The following TRAF3 variants were observed in gnomAD, a reference collection of about 807,000 sequenced individuals.
TRAF3 encodes the protein TNF receptor associated factor 3.
Under a neutral mutation model 62.3 loss-of-function variants are expected in TRAF3, and 13 were observed. That is an observed-to-expected ratio of 0.21 (90% CI 0.14 to 0.33). The LOEUF (loss-of-function observed/expected upper bound fraction) is 0.33. Among genes scored for constraint, TRAF3 ranks in the 10% least tolerant of loss-of-function variants. The pLI is 1.00. For synonymous variants in TRAF3, 269 were observed against 283.4 expected (o/e 0.95, Z 0.51); for missense variants, 440 against 741.8 (o/e 0.59, Z 4.73).
intron 6 of TRAF3, among the ~76,000 whole-genome samples, 171 bp from the exon 7 acceptor site, chr14:102,886,018 A>G (rs1889360935): frequency 6.6e-6 from 1 of 152,160 alleles, no homozygotes; most frequent in Non-Finnish European, 1.5e-5. Context: ...GCATCCTGAG[A>G]CACTCACACT....
chr14:102,854,791 G>A (rs1041088825), intron 2 of TRAF3, among the ~76,000 whole-genome samples: 19 of 144,972 alleles, frequency 1.3e-4, no homozygotes, highest in Non-Finnish European at 2.5e-4. Context: ...GTCAGCTGCC[G>A]CACCTGGCTG....
intron 1 of TRAF3, among the ~76,000 whole-genome samples, chr14:102,789,320 C>G (rs866094308): frequency 6.6e-6 from 1 of 152,158 alleles, no homozygotes; most frequent in African/African-American, 2.4e-5. Context: ...CTGCTATAAA[C>G]ATTTGTGTAC....
chr14:102,897,485 G>A, intron 10 of TRAF3, 84 bp downstream of exon 10: 6 of 1,549,974 alleles, frequency 3.9e-6, no homozygotes, highest in Non-Finnish European at 5.3e-6. Context: ...CAAACTCTTT[G>A]AGCTGAGTCC....
intron 2 of TRAF3, among the ~76,000 whole-genome samples, chr14:102,840,068 C>T (rs1211086498): frequency 6.6e-6 from 1 of 152,078 alleles, no homozygotes; most frequent in African/African-American, 2.4e-5. Flanking sequence ...TTTACGCCCC[C>T]CAACCCAGGA....
At chr14:102,880,093 G>A (rs1048399723) in intron 6 of TRAF3, among the ~76,000 whole-genome samples, 1 of 152,180 alleles carries the variant, frequency 6.6e-6, no homozygotes, top group Non-Finnish European at 1.5e-5. Context: ...CTCAGCCTGG[G>A]TGACAGAGTG....
At position 102,823,276 on chromosome 14, in the gene TRAF3, A is replaced by C. The variant is rs183968453; in HGVS notation, c.-156-7058A>C. Among the ~76,000 whole-genome samples the C allele has an allele frequency of 1.0e-3, 157 of 152,182 alleles. 1 individual carries two copies. The highest frequency in any genetic ancestry group is 3.7e-3 in the African/African-American group (155 of 41,528). On this transcript the variant is annotated intron_variant, in intron 1 of 11. Transcript: ENST00000392745. Reference sequence around the variant, plus strand: ...ATGTTGAGTTAATGTGTTTTCTTTGACCTCAAACCTTCTGAAATGTTTCTG... The same window carrying C: ...ATGTTGAGTTAATGTGTTTTCTTTGCCCTCAAACCTTCTGAAATGTTTCTG...
intron 6 of TRAF3, among the ~76,000 whole-genome samples, chr14:102,885,210 G>A (rs955838964): frequency 2.0e-5 from 3 of 152,324 alleles, no homozygotes; most frequent in South Asian, 2.1e-4. Flanking sequence ...AGCTTCCCTC[G>A]GGTGGGCCGC....
chr14:102,835,101 CAGTT>C (rs1159081688), intron 2 of TRAF3, among the ~76,000 whole-genome samples: 1 of 151,946 alleles, frequency 6.6e-6, no homozygotes, highest in African/African-American at 2.4e-5. Flanking sequence ...AGGGCATGCA[CAGTT>C]AGTTTTCCAA....
At chr14:102,816,323 G>A (rs1017028613) in intron 1 of TRAF3, among the ~76,000 whole-genome samples, 5 of 151,960 alleles carry the variant, frequency 3.3e-5, no homozygotes, top group Non-Finnish European at 7.4e-5. Flanking sequence ...GGCTGGTCTC[G>A]AACTCCTGAG....
intron 2 of TRAF3, among the ~76,000 whole-genome samples, chr14:102,836,420 C>CT: frequency 6.6e-6 from 1 of 152,284 alleles, no homozygotes; most frequent in East Asian, 1.9e-4. Context: ...TTTGGAGAAA[C>CT]TAAGAAATTT....
intron 9 of TRAF3, among the ~76,000 whole-genome samples, chr14:102,892,043 T>C (rs889022516): frequency 6.7e-6 from 1 of 149,962 alleles, no homozygotes; most frequent in Non-Finnish European, 1.5e-5. Flanking sequence ...TCTCCCATGC[T>C]GTTCTTTTTT....
chr14:102,794,264 G>A (rs895802706), intron 1 of TRAF3, among the ~76,000 whole-genome samples: 27 of 151,966 alleles, frequency 1.8e-4, no homozygotes, highest in Admixed American at 3.3e-4. Context: ...AGCCTCAAAC[G>A]CCTGGGCAGA....
At chr14:102,795,649 A>T (rs925419183) in intron 1 of TRAF3, among the ~76,000 whole-genome samples, 8 of 148,402 alleles carry the variant, frequency 5.4e-5, no homozygotes. Context: ...TTTCTGACTC[A>T]TAAGTCCCAT....
At chr14:102,800,704 T>A (rs1415965711) in intron 1 of TRAF3, among the ~76,000 whole-genome samples, 3 of 149,534 alleles carry the variant, frequency 2.0e-5, no homozygotes, top group African/African-American at 7.4e-5. Context: ...CCTTTTTTTT[T>A]TTTTTTTTTT....
intron 1 of TRAF3, among the ~76,000 whole-genome samples, chr14:102,785,754 G>C (rs762677184): frequency 6.6e-6 from 1 of 152,214 alleles, no homozygotes; most frequent in African/African-American, 2.4e-5. Context: ...GGAGGGGTCA[G>C]TGGTGGCTGA....
intron 2 of TRAF3, among the ~76,000 whole-genome samples, chr14:102,835,607 G>A (rs966657240): frequency 3.9e-5 from 6 of 152,180 alleles, no homozygotes; most frequent in African/African-American, 7.2e-5. Flanking sequence ...TTGCAAGAAC[G>A]TGGTTGGGAG....
chr14:102,816,297 T>G (rs1899514796), intron 1 of TRAF3, among the ~76,000 whole-genome samples: 1 of 151,908 alleles, frequency 6.6e-6, no homozygotes, highest in African/African-American at 2.4e-5. Flanking sequence ...GAGATGGGGT[T>G]TTACCATGTT....
chr14:102,875,787 C>G, intron 5 of TRAF3, 59 bp downstream of exon 5: 3 of 1,448,854 alleles, frequency 2.1e-6, no homozygotes, highest in Non-Finnish European at 2.9e-6. Flanking sequence ...CCCTTACATC[C>G]AGCTGATGAA....
At chr14:102,846,186 C>G (rs1886711291) in intron 2 of TRAF3, among the ~76,000 whole-genome samples, 1 of 151,938 alleles carries the variant, frequency 6.6e-6, no homozygotes, top group African/African-American at 2.4e-5. Flanking sequence ...GGTATGTACA[C>G]CAGAGAAACA....
Sources: gnomAD v4.1 joint callset for allele counts (sites outside exome capture counted in the v4.1 genomes callset) on GRCh38, gnomAD v4.1.1 for gene constraint, MANE v1.5 for transcripts, NCBI Gene and HGNC (gene_info 2026-07-23, HGNC 2026-07-21) for gene names.